Variants in PDZD2 observed in about 807,000 individuals in gnomAD.
PDZD2 encodes PDZ domain containing 2, also known as PDZ domain-containing protein 2.
PDZD2 carries 90 observed loss-of-function variants against 220.7 expected under a neutral mutation model. That is an observed-to-expected ratio of 0.41 (90% CI 0.34 to 0.49). The LOEUF (loss-of-function observed/expected upper bound fraction) is 0.49. PDZD2 is among the 20% of genes least tolerant of loss of function. PDZD2 has a pLI of 0.28. For synonymous variants in PDZD2, 1,375 were observed against 1,450.5 expected (o/e 0.95, Z 1.18); for missense variants, 3,174 against 3,608.5 (o/e 0.88, Z 3.08).
rs372494586 is a variant in PDZD2, at chr5:32,087,232, C to T, written c.3784C>T (p.Pro1262Ser). The change falls in exon 20 of 25, where the codon CCA becomes TCA. Residue 1262 changes from proline to serine, a missense_variant. Physicochemically the swap from Pro to Ser is moderately conservative, Grantham distance 74 (BLOSUM62 -1). Around this residue, in one of 4 missense-constraint regions of PDZD2, gnomAD observed 1,861 missense variants for 2,001.0 expected, o/e 0.93. Transcript: ENST00000438447. This position sits in a 1 kb window ranked among gnomAD's most constrained non-coding sequence, Gnocchi z 4.0. ...TGTAGACACAGGGCAAGTCAGTCGG[C>T]CAGAGAATCCCAGCCAGCCTGCATC... Reference protein sequence around the residue: ...TSVDTGQVSRPENPSQPASPR... With the variant: ...TSVDTGQVSRSENPSQPASPR... 27 of 1,613,948 alleles carry T rather than the reference C, an allele frequency of 1.7e-5. No individual in the cohort carries two copies. The highest frequency in any genetic ancestry group is 2.0e-5 in the Non-Finnish European group (24 of 1,179,936).
chr5:31,701,742 C>T (rs1011401832), intron 1 of PDZD2, among the ~76,000 whole-genome samples: 25 of 152,174 alleles, frequency 1.6e-4, no homozygotes, highest in Non-Finnish European at 4.4e-5. Flanking sequence ...CTCTCACATT[C>T]GGAAACCATG....
At chr5:31,718,687 C>A (rs1748598793) in intron 1 of PDZD2, among the ~76,000 whole-genome samples, 1 of 147,582 alleles carries the variant, frequency 6.8e-6, no homozygotes, top group East Asian at 2.0e-4. Flanking sequence ...CCCACTGTAA[C>A]AGCCTCATTT....
intron 2 of PDZD2, among the ~76,000 whole-genome samples, chr5:31,963,892 C>A (rs1053952068): frequency 6.6e-6 from 1 of 152,200 alleles, no homozygotes; most frequent in Non-Finnish European, 1.5e-5. Flanking sequence ...CCATCCTTCT[C>A]AATGCCATGA....
chr5:31,689,239 TTGTGTGTGTG>T (rs70955736), intron 1 of PDZD2, among the ~76,000 whole-genome samples: 1 of 140,010 alleles, frequency 7.1e-6, no homozygotes, highest in African/African-American at 2.7e-5. Flanking sequence ...TGGCTAATGT[TTGTGTGTGTG>T]TGTGTGTGTG....
chr5:31,873,230 T>A (rs1435566413), intron 2 of PDZD2, among the ~76,000 whole-genome samples: 1 of 152,032 alleles, frequency 6.6e-6, no homozygotes, highest in Non-Finnish European at 1.5e-5. Context: ...GCCAGGAGTT[T>A]GAGAACCAGC....
chr5:31,923,548 C>G, intron 2 of PDZD2: 1 of 888,738 alleles, frequency 1.1e-6, no homozygotes, highest in South Asian at 1.3e-5. Context: ...ATTATTTGGT[C>G]TTCTGGATTT....
At chr5:32,043,212 G>C (rs1339639387) in intron 7 of PDZD2, among the ~76,000 whole-genome samples, 1 of 152,218 alleles carries the variant, frequency 6.6e-6, no homozygotes, top group East Asian at 1.9e-4. Context: ...ACTTAATTCA[G>C]AACAAGTGGC....
chr5:32,107,913 T>G lies in PDZD2; in HGVS notation c.8354-56T>G, dbSNP rs1744948634. 1.3e-5 allele frequency: 17 copies of G among 1,271,638 alleles called. No individual in the cohort carries two copies. In the South Asian group the frequency reaches 1.5e-4, roughly 11 times the overall value. The allele number at this position is 1,271,638 out of a possible 1,614,324, so 78.8% of individuals were successfully genotyped here. A position where few individuals can be genotyped will look rare whatever the true frequency, so the allele number is the denominator to read the frequency against. On this transcript the variant is annotated intron_variant, in intron 24 of 24. Coordinates refer to ENST00000438447, the MANE Select transcript of PDZD2 (RefSeq NM_178140.4). ...TTAAAAGTTTTTAGTTTACTTAGGA[T>G]TTTTGAATACTATGAAACTGCCAAG...
chr5:31,894,748 G>T (rs1741383955), intron 2 of PDZD2, among the ~76,000 whole-genome samples: 1 of 152,202 alleles, frequency 6.6e-6, no homozygotes, highest in Non-Finnish European at 1.5e-5. Flanking sequence ...TCGTAAGTAT[G>T]GCTGTATCCT....
chr5:32,010,035 C>T (rs774949486), intron 5 of PDZD2, among the ~76,000 whole-genome samples: 7 of 147,198 alleles, frequency 4.8e-5, no homozygotes, highest in East Asian at 2.0e-4. Context: ...TGCAATGAGC[C>T]GAGATCACGC....
At chr5:31,846,131 G>A (rs1757573017) in intron 2 of PDZD2, among the ~76,000 whole-genome samples, 1 of 152,082 alleles carries the variant, frequency 6.6e-6, no homozygotes, top group Non-Finnish European at 1.5e-5. Flanking sequence ...TTGTTTGTTT[G>A]GTTGGTTGGT....
At chr5:31,789,671 A>G (rs752963128) in intron 1 of PDZD2, among the ~76,000 whole-genome samples, 9 of 152,220 alleles carry the variant, frequency 5.9e-5, no homozygotes, top group Non-Finnish European at 8.8e-5. Flanking sequence ...GCTCATGCCT[A>G]TAACGCCAGC....
At chr5:31,645,530 T>C (rs543722135) in intron 1 of PDZD2, among the ~76,000 whole-genome samples, 1 of 152,140 alleles carries the variant, frequency 6.6e-6, no homozygotes, top group African/African-American at 2.4e-5. Flanking sequence ...AGAGACGTGG[T>C]TTCACCATGT....
At chr5:31,851,543 A>G (rs1758056391) in intron 2 of PDZD2, among the ~76,000 whole-genome samples, 1 of 152,304 alleles carries the variant, frequency 6.6e-6, no homozygotes, top group Non-Finnish European at 1.5e-5. Flanking sequence ...TTAATGAACC[A>G]TTTCCTTAAT....
intron 6 of PDZD2, among the ~76,000 whole-genome samples, chr5:32,034,183 G>A (rs1755343483): frequency 6.6e-6 from 1 of 152,006 alleles, no homozygotes; most frequent in African/African-American, 2.4e-5. Context: ...GGTTTTCCTT[G>A]CTCGGCATGA....
rs1756652507 is a variant in PDZD2, at chr5:31,832,319, A to C, written c.476+32595A>C. The C allele has an allele frequency of 2.0e-5, 3 of 152,244 alleles. No homozygotes were observed. The South Asian group carries it at 6.2e-4, about 32-fold the overall frequency. The allele number at this position is 152,244 out of a possible 1,614,324, so 9.4% of individuals were successfully genotyped here. A position where few individuals can be genotyped will look rare whatever the true frequency, so the allele number is the denominator to read the frequency against. ...TGTAAAGTTTCAGCCTGGTGTGATG[A>C]AAAAGCCCTGGAGACGGGTAGTGGT... On this transcript the variant is annotated intron_variant, in intron 2 of 24. Coordinates refer to ENST00000438447, the MANE Select transcript of PDZD2 (RefSeq NM_178140.4).
At chr5:31,972,728 T>C (rs7720625) in intron 2 of PDZD2, among the ~76,000 whole-genome samples, 145,061 of 152,294 alleles carry the variant, frequency 0.95, 69,176 homozygotes, top group South Asian at 0.99. Context: ...TGTTCTGATG[T>C]TCCTCAGTTC....
intron 2 of PDZD2, among the ~76,000 whole-genome samples, chr5:31,969,841 T>C (rs189883458): frequency 5.3e-5 from 8 of 152,252 alleles, no homozygotes; most frequent in South Asian, 2.1e-4. Context: ...CAGCATTTTT[T>C]TGTGGTGCCG....
At chr5:32,103,321 G>C (rs894512636) in intron 24 of PDZD2, 4 of 152,516 alleles carry the variant, frequency 2.6e-5, no homozygotes, top group African/African-American at 9.6e-5. Flanking sequence ...AGGAGGCTGA[G>C]GCAGAAGGAT....
Sources: gnomAD v4.1 joint callset for allele counts (sites outside exome capture counted in the v4.1 genomes callset) on GRCh38, gnomAD v4.1.1 for gene constraint, gnomAD v4.1.1 regional missense constraint, Gnocchi (gnomAD v3.1) non-coding constraint, MANE v1.5 for transcripts, NCBI Gene and HGNC (gene_info 2026-07-23, HGNC 2026-07-21) for gene names.